Variants in PPL observed in about 807,000 individuals in gnomAD.
PPL encodes the protein 190 kDa paraneoplastic pemphigus antigen.
Under a neutral mutation model 194.4 loss-of-function variants are expected in PPL, and 198 were observed. The observed-to-expected ratio is 1.02, with a 90% CI of 0.91 to 1.15. PPL has a LOEUF of 1.15. PPL is among the 50% of genes most tolerant of loss of function. The pLI is 0.00. For missense variants in PPL, 2,885 were observed against 2,294.8 expected (o/e 1.26, Z -5.25); for synonymous variants, 1,220 against 972.4 (o/e 1.25, Z -4.74).
intron 1 of PPL, among the ~76,000 whole-genome samples, chr16:4,912,826 C>G (rs1297935691): frequency 1.3e-5 from 2 of 152,080 alleles, no homozygotes; most frequent in Non-Finnish European, 2.9e-5. Context: ...ACTTGAGGCC[C>G]GGTGTGGTGG....
intron 1 of PPL, among the ~76,000 whole-genome samples, chr16:4,914,633 C>T (rs1393840464): frequency 6.6e-6 from 1 of 152,212 alleles, no homozygotes; most frequent in African/African-American, 2.4e-5. Flanking sequence ...CCAACTCTTA[C>T]AAGTCTTATT....
Position 4,885,075 on chromosome 16 carries a change from C to G in PPL, c.3580G>C (p.Glu1194Gln). 6 of 1,613,756 alleles carry G rather than the reference C, an allele frequency of 3.7e-6. No individual in the cohort carries two copies. The highest frequency in any genetic ancestry group is 5.1e-6 in the Non-Finnish European group (6 of 1,180,030). ...TACTTTCGCTCCTGCTCCACAAGCT[C>G]CAGGCGGAGGTTCGCCACTTCACTT... ...AESEVANLRL[E>Q]LVEQERKYRG... Residue 1194 changes from glutamate (E) to glutamine (Q), a missense_variant, in exon 22 of 22, where the codon GAG becomes CAG. By Grantham distance (29) the Glu-to-Gln change is conservative. Coordinates refer to ENST00000345988, the MANE Select transcript of PPL (RefSeq NM_002705.5). The surrounding 1 kb of genome is among the most constrained non-coding windows in gnomAD (Gnocchi z 6.3).
chr16:4,906,664 A>G (rs1374449747), intron 2 of PPL, among the ~76,000 whole-genome samples: 2 of 152,246 alleles, frequency 1.3e-5, no homozygotes, highest in East Asian at 3.9e-4. Context: ...AAGTTCTCTC[A>G]AAACACTGGC....
intron 20 of PPL, among the ~76,000 whole-genome samples, chr16:4,887,797 T>C (rs2142332221): frequency 6.6e-6 from 1 of 152,256 alleles, no homozygotes; most frequent in East Asian, 1.9e-4. Context: ...GGTCCTGCTT[T>C]GTTGCCCAGG....
chr16:4,892,559 G>T (rs1376753954), intron 14 of PPL, among the ~76,000 whole-genome samples: 1 of 152,224 alleles, frequency 6.6e-6, no homozygotes, highest in Non-Finnish European at 1.5e-5. Flanking sequence ...ACGGGTGGGG[G>T]TGTGACGACT....
chr16:4,888,237 T>G lies in PPL; in HGVS notation c.2398-19A>C. On this transcript the variant is annotated intron_variant, in intron 19 of 21. Coordinates refer to ENST00000345988, the MANE Select transcript of PPL (RefSeq NM_002705.5). ...CATAGTCCTGCATGAGGGAGAGACATGGCAGAGGGGAGATTAAAACAGCTG... is the reference window on the plus strand; with the variant it reads ...CATAGTCCTGCATGAGGGAGAGACAGGGCAGAGGGGAGATTAAAACAGCTG... 3 of 1,535,886 alleles carry G rather than the reference T, an allele frequency of 2.0e-6. No homozygotes were observed. Among genetic ancestry groups the G allele is most frequent in the Non-Finnish European group, 2.7e-6 (3 of 1,108,970 alleles).
intron 19 of PPL, among the ~76,000 whole-genome samples, chr16:4,888,564 A>G (rs2088256087): frequency 6.6e-6 from 1 of 152,156 alleles, no homozygotes; most frequent in African/African-American, 2.4e-5. Flanking sequence ...ACCTCTTCTC[A>G]TGTTTACCAG....
At chr16:4,910,247 G>C (rs1022658890) in intron 2 of PPL, among the ~76,000 whole-genome samples, 7 of 152,234 alleles carry the variant, frequency 4.6e-5, no homozygotes, top group Admixed American at 3.3e-4. Context: ...AAAAGGTGGA[G>C]AAAGACCTGC....
At position 4,902,692 on chromosome 16, in the gene PPL, CTTT is replaced by C. The variant is rs5815221; in HGVS notation, c.318-169_318-167del. On this transcript the variant is annotated intron_variant, in intron 3 of 21. Coordinates refer to ENST00000345988, the MANE Select transcript of PPL (RefSeq NM_002705.5). The surrounding 1 kb of genome is among the most constrained non-coding windows in gnomAD (Gnocchi z 4.0). ...ATCCTCTCACCCCTCCTCCCATGCA[CTTT>C]TTTTTTTTTTTTGAGACAGAGTCTT... is the stretch of plus-strand genomic sequence containing the variant. 6.4e-5 allele frequency among the ~76,000 whole-genome samples: 9 copies of C among 140,864 alleles called. No homozygotes were observed. The highest frequency in any genetic ancestry group is 7.8e-5 in the Non-Finnish European group (5 of 64,324). 92.4% of individuals were successfully genotyped at this position (140,864 alleles called of 152,430 possible).
At chr16:4,905,216 G>C (rs370326237) in intron 2 of PPL, among the ~76,000 whole-genome samples, 2 of 152,182 alleles carry the variant, frequency 1.3e-5, no homozygotes, top group Non-Finnish European at 2.9e-5. Flanking sequence ...TGGGCATAAG[G>C]AAAATACCCG....
intron 1 of PPL, among the ~76,000 whole-genome samples, chr16:4,933,433 A>G (rs909814184): frequency 1.3e-5 from 2 of 152,082 alleles, no homozygotes; most frequent in African/African-American, 2.4e-5. Flanking sequence ...CAGGGATGCT[A>G]TGTTTCTTTT....
chr16:4,924,261 G>T (rs2089113914), intron 1 of PPL, among the ~76,000 whole-genome samples: 1 of 152,120 alleles, frequency 6.6e-6, no homozygotes, highest in South Asian at 2.1e-4. Flanking sequence ...TTTGACAGGT[G>T]GTCAACAGAA....
Position 4,884,617 on chromosome 16 carries a change from C to T in PPL, c.4038G>A (p.Val1346=). ...CCTCCTGCTGCACCACCCTTTCCTT[C>T]ACCCGCGAGAGCTCCTCCTCTTTCC... ...IARKEEELSR[V]KERVVQQEVV... The change falls in exon 22 of 22, where the codon GTG becomes GTA. Residue 1346 remains valine, a synonymous_variant. Transcript: ENST00000345988. The surrounding 1 kb of genome is among the most constrained non-coding windows in gnomAD (Gnocchi z 5.7). 6.2e-7 allele frequency: 1 copy of T among 1,614,192 alleles called. No homozygotes were observed. The highest frequency in any genetic ancestry group is 8.5e-7 in the Non-Finnish European group (1 of 1,180,040).
chr16:4,914,361 G>A (rs2088878141), intron 1 of PPL, among the ~76,000 whole-genome samples: 1 of 152,288 alleles, frequency 6.6e-6, no homozygotes, highest in Admixed American at 6.5e-5. Context: ...ATTTTTGCAG[G>A]TTCCCCAGGG....
At chr16:4,894,677 G>C (rs1311327368) in intron 11 of PPL, 59 bp from the exon 12 acceptor site, 2 of 1,577,438 alleles carry the variant, frequency 1.3e-6, no homozygotes. Flanking sequence ...CTGGGAGCCC[G>C]GTTGCCATCT....
rs142537206 is a variant in PPL at position 4,906,288 on chromosome 16, G to A, written c.163-2248C>T. 2.4e-4 allele frequency among the ~76,000 whole-genome samples: 37 copies of A among 152,016 alleles called. 1 individual carries two copies. The highest frequency in any genetic ancestry group is 2.1e-4 in the South Asian group (1 of 4,826). ...TGCCCAGGCTGGAGTGCAGTGGCAC[G>A]ATCTCGGCTCACTGCAAGCTCTGCC... is the stretch of plus-strand genomic sequence containing the variant. On this transcript the variant is annotated intron_variant, in intron 2 of 21. Transcript: ENST00000345988.
chr16:4,907,135 G>A (rs547675688), intron 2 of PPL, among the ~76,000 whole-genome samples: 19 of 150,094 alleles, frequency 1.3e-4, no homozygotes, highest in African/African-American at 4.7e-4. Context: ...AGTAGCATGC[G>A]CCTGTAGTCC....
At chr16:4,917,968 A>G (rs1596577294) in intron 1 of PPL, among the ~76,000 whole-genome samples, 1 of 147,980 alleles carries the variant, frequency 6.8e-6, no homozygotes, top group African/African-American at 2.5e-5. Context: ...TATGAATTAC[A>G]TCACAGTAAA....
At chr16:4,891,701 C>G (rs2142341156) in intron 16 of PPL, 110 bp downstream of exon 16, 2 of 1,404,730 alleles carry the variant, frequency 1.4e-6, no homozygotes, top group Admixed American at 2.4e-5. Context: ...CATTCCAAAC[C>G]TGGGGAGACT....
Sources: allele counts gnomAD v4.1 joint callset (sites outside exome capture counted in the v4.1 genomes callset), GRCh38; gene constraint gnomAD v4.1.1; non-coding constraint Gnocchi (gnomAD v3.1); transcripts MANE v1.5; gene names NCBI Gene and HGNC (gene_info 2026-07-23, HGNC 2026-07-21).